CNTNAP3: variants seen among roughly 807,000 people sequenced by gnomAD.
CNTNAP3 encodes the protein contactin-associated protein-like 3.
Under a neutral mutation model 92.1 loss-of-function variants are expected in CNTNAP3, and 36 were observed. The observed-to-expected ratio is 0.39, with a 90% CI of 0.30 to 0.52. The LOEUF (loss-of-function observed/expected upper bound fraction) is 0.52. CNTNAP3 is among the 20% of genes least tolerant of loss of function. The pLI, the probability that CNTNAP3 is intolerant of heterozygous loss-of-function variation, is 0.76. For missense variants in CNTNAP3, 534 were observed against 1,069.6 expected (o/e 0.50, Z 6.98); for synonymous variants, 232 against 422.3 (o/e 0.55, Z 5.53).
At chr9:39,122,342 G>A (rs1435866450) in intron 13 of CNTNAP3, among the ~76,000 whole-genome samples, 5 of 152,104 alleles carry the variant, frequency 3.3e-5, no homozygotes, top group South Asian at 2.1e-4. Flanking sequence ...GCTACAGAGC[G>A]AGACTCTCTC....
At chr9:39,114,055 CATAT>C (rs765973060) in intron 14 of CNTNAP3, among the ~76,000 whole-genome samples, 1 of 144,504 alleles carries the variant, frequency 6.9e-6, no homozygotes, top group Non-Finnish European at 1.5e-5. Flanking sequence ...CACACACACA[CATAT>C]ATATATATAC....
intron 13 of CNTNAP3, among the ~76,000 whole-genome samples, chr9:39,128,275 TA>T (rs574198345): frequency 6.6e-6 from 1 of 151,898 alleles, no homozygotes; most frequent in Non-Finnish European, 1.5e-5. Flanking sequence ...TGAAACCAGA[TA>T]AAGACAATAT....
At position 39,067,297 on chromosome 9, in the gene CNTNAP3, T is replaced by C. The variant is rs1435968431; in HGVS notation, c.*6593A>G. 0.05 allele frequency among the ~76,000 whole-genome samples: 7,076 copies of C among 140,328 alleles called. No individual in the cohort carries two copies. Among genetic ancestry groups the C allele is most frequent in the African/African-American group, 0.17 (5,535 of 32,178 alleles). 92.1% of individuals were successfully genotyped at this position (140,328 alleles called of 152,430 possible). A position where few individuals can be genotyped will look rare whatever the true frequency, so the allele number is the denominator to read the frequency against. ...TAACATCTGGGTATGTGCTGGGTCATTTTAGATTGATTTTTATCCTCATTA... is the reference window on the plus strand; with the variant it reads ...TAACATCTGGGTATGTGCTGGGTCACTTTAGATTGATTTTTATCCTCATTA... On this transcript the variant is annotated 3_prime_UTR_variant, in exon 24 of 24. Transcript: ENST00000297668.
chr9:39,074,934 A>C (rs549698107), intron 23 of CNTNAP3, among the ~76,000 whole-genome samples: 18 of 152,294 alleles, frequency 1.2e-4, no homozygotes, highest in African/African-American at 3.9e-4. Flanking sequence ...GCGCCCGGCT[A>C]ACTTTTTGCA....
At chr9:39,167,800 AAACATT>A (rs1822193212) in intron 8 of CNTNAP3, among the ~76,000 whole-genome samples, 1 of 34,612 alleles carries the variant, frequency 2.9e-5, no homozygotes, top group East Asian at 8.1e-4. Context: ...CTTAAAAATT[AAACATT>A]AACATTAATA....
Position 39,109,181 on chromosome 9 carries a change from G to A in CNTNAP3, c.2344C>T (p.Pro782Ser). The A allele has an allele frequency of 1.2e-6, 2 of 1,612,906 alleles. No individual in the cohort carries two copies. The highest frequency in any genetic ancestry group is 1.7e-6 in the Non-Finnish European group (2 of 1,179,790). ...TTACGATCTCCGCGGCAGAGCAGTG[G>A]CCCCAGTGTATAAGCTGCTTCGGAA... is the stretch of plus-strand genomic sequence containing the variant. ...PHSEAAYTLG[P>S]LLCRGDQSFW... Residue 782 changes from proline to serine, a missense_variant, in exon 15 of 24, where the codon CCA becomes TCA. By Grantham distance (74) the Pro-to-Ser change is moderately conservative (BLOSUM62 -1). Coordinates refer to ENST00000297668, the MANE Select transcript of CNTNAP3 (RefSeq NM_033655.5).
chr9:39,118,836 G>A (rs1164352198), intron 13 of CNTNAP3, among the ~76,000 whole-genome samples: 6 of 152,228 alleles, frequency 3.9e-5, no homozygotes, highest in East Asian at 1.9e-4. Context: ...CATCTCTGAG[G>A]TTAGAGATTT....
chr9:39,138,371 C>T (rs1321141616), intron 12 of CNTNAP3, among the ~76,000 whole-genome samples: 2 of 152,126 alleles, frequency 1.3e-5, no homozygotes, highest in East Asian at 1.9e-4. Context: ...AGCCCTCCCT[C>T]CCATCACCAC....
Position 39,069,427 on chromosome 9 carries a change from T to G in CNTNAP3, c.*4463A>C, listed in dbSNP as rs1347251317. Among the ~76,000 whole-genome samples the G allele has an allele frequency of 3.9e-5, 6 of 152,310 alleles. No homozygotes were observed. Among genetic ancestry groups the G allele is most frequent in the Admixed American group, 3.9e-4 (6 of 15,292 alleles). ...AGGTACCATCACAAGCTAGCTAAGT[T>G]AGAAATTTTCATATCGCAAAATCTA... On this transcript the variant is annotated 3_prime_UTR_variant, in exon 24 of 24. Transcript: ENST00000297668.
chr9:39,070,975 T>C lies in CNTNAP3; in HGVS notation c.*2915A>G, dbSNP rs1392661699. Among the ~76,000 whole-genome samples, 1 of 152,254 alleles carries C rather than the reference T, an allele frequency of 6.6e-6. No individual in the cohort carries two copies. Among genetic ancestry groups the C allele is most frequent in the Non-Finnish European group, 1.5e-5 (1 of 68,026 alleles). On this transcript the variant is annotated 3_prime_UTR_variant, in exon 24 of 24. Coordinates refer to ENST00000297668, the MANE Select transcript of CNTNAP3 (RefSeq NM_033655.5). ...GGGAAGGCAGGAAGGTGGGCTTCTC[T>C]ATGGATTGAAGTTAAGAGAGAGAAG... is the stretch of plus-strand genomic sequence containing the variant.
Position 39,126,368 on chromosome 9 carries a change from C to T in CNTNAP3, c.2080+6564G>A, listed in dbSNP as rs1693012. The stretch of plus-strand genomic sequence containing the variant: ...GATTCACTGGTGAGTTCTATCAACA[C>T]TGGAGAAATAAATGATACCAATTTT... On this transcript the variant is annotated intron_variant, in intron 13 of 23. Transcript: ENST00000297668. 2.6e-5 allele frequency among the ~76,000 whole-genome samples: 4 copies of T among 152,108 alleles called. No homozygotes were observed. In the South Asian group the frequency reaches 6.2e-4, roughly 24 times the overall value.
chr9:39,138,162 G>T (rs1338768251), intron 12 of CNTNAP3, among the ~76,000 whole-genome samples: 1 of 152,048 alleles, frequency 6.6e-6, no homozygotes, highest in East Asian at 1.9e-4. Flanking sequence ...AAAGTAATAG[G>T]ATTATAGGTC....
chr9:39,147,260 T>C (rs1490243256), intron 10 of CNTNAP3, among the ~76,000 whole-genome samples: 1 of 140,936 alleles, frequency 7.1e-6, no homozygotes, highest in Non-Finnish European at 1.6e-5. Context: ...ACTAATACAA[T>C]TAGATTTTTG....
At chr9:39,079,855 C>T (rs1418889929) in intron 21 of CNTNAP3, among the ~76,000 whole-genome samples, 4 of 136,124 alleles carry the variant, frequency 2.9e-5, no homozygotes, top group Admixed American at 1.4e-4. Context: ...GTGAGATGAG[C>T]GATTGCATGG....
rs764605578 is a variant in CNTNAP3, at chr9:39,133,068, G to T, written c.1944C>A (p.Ser648Arg). Residue 648 changes from serine (S) to arginine (R), a missense_variant, in exon 13 of 24, where the codon AGC becomes AGA. Ser to Arg is a moderately radical substitution (Grantham distance 110, BLOSUM62 -1). Transcript: ENST00000297668. ...PDAVTLRGAPSGHPRSAVSFA... is the reference protein window; with the variant it reads ...PDAVTLRGAPRGHPRSAVSFA... ...AGGACACAGCCGAGCGCGGGTGCCC[G>T]CTGGGGGCACCTCGGAGGGTCACCG... 2.2e-5 allele frequency: 35 copies of T among 1,559,874 alleles called. No homozygotes were observed. The highest frequency in any genetic ancestry group is 3.0e-5 in the Non-Finnish European group (35 of 1,159,516).
At chr9:39,153,530 T>C (rs543589489) in intron 9 of CNTNAP3, among the ~76,000 whole-genome samples, 1 of 9,454 alleles carries the variant, frequency 1.1e-4, no homozygotes, top group Admixed American at 8.7e-4. Context: ...AAGGTAAGTC[T>C]GCATCTGCGA....
chr9:39,137,506 GTTTGT>G (rs1313128061), intron 12 of CNTNAP3, among the ~76,000 whole-genome samples: 1 of 151,724 alleles, frequency 6.6e-6, no homozygotes, highest in African/African-American at 2.4e-5. Flanking sequence ...TCTGGTTTTT[GTTTGT>G]TTTGTTTTTT....
At chr9:39,116,807 A>G (rs1282012173) in intron 14 of CNTNAP3, among the ~76,000 whole-genome samples, 3 of 152,096 alleles carry the variant, frequency 2.0e-5, no homozygotes, top group Non-Finnish European at 4.4e-5. Context: ...GAGTTTTCCC[A>G]ACTTCACAAT....
At position 39,114,055 on chromosome 9, in the gene CNTNAP3, C is replaced by CAT. The variant is rs765973060; in HGVS notation, c.2237+4046_2237+4047dup. The stretch of plus-strand genomic sequence containing the variant: ...ATATATACACACACACACACACACA[C>CAT]ATATATATATATACACACACACATA... On this transcript the variant is annotated intron_variant, in intron 14 of 23. Coordinates refer to ENST00000297668, the MANE Select transcript of CNTNAP3 (RefSeq NM_033655.5). Among the ~76,000 whole-genome samples, 250 of 144,542 alleles carry CAT rather than the reference C, an allele frequency of 1.7e-3. 2 individuals carry two copies. The highest frequency in any genetic ancestry group is 4.9e-3 in the East Asian group (25 of 5,092). The allele number at this position is 144,542 out of a possible 152,430, so 94.8% of individuals were successfully genotyped here.
Sources: allele counts gnomAD v4.1 joint callset (sites outside exome capture counted in the v4.1 genomes callset), GRCh38; gene constraint gnomAD v4.1.1; transcripts MANE v1.5; gene names NCBI Gene and HGNC (gene_info 2026-07-23, HGNC 2026-07-21).